HAVCR1: variants seen among roughly 807,000 people sequenced by gnomAD.
HAVCR1 encodes the protein hepatitis A virus cellular receptor 1.
Under a neutral mutation model 32.0 loss-of-function variants are expected in HAVCR1, and 34 were observed. That is an observed-to-expected ratio of 1.06 (90% CI 0.81 to 1.42). The LOEUF (loss-of-function observed/expected upper bound fraction) is 1.42, where lower values mean the gene tolerates loss of function less well. Among genes scored for constraint, HAVCR1 ranks in the 40% most tolerant of loss-of-function variants. HAVCR1 has a pLI of 0.00. For missense variants in HAVCR1, 420 were observed against 442.3 expected, an observed-to-expected ratio of 0.95 and a Z score of 0.45; for synonymous variants, 178 against 170.3, an observed-to-expected ratio of 1.05 and a Z score of -0.35.
intron 7 of HAVCR1, among the ~76,000 whole-genome samples, chr5:157,034,039 T>C (rs766383455): frequency 1.3e-5 from 2 of 152,118 alleles, no homozygotes; most frequent in Non-Finnish European, 2.9e-5. Flanking sequence ...TGGGTATTTC[T>C]CATCAGGTGG....
At chr5:157,063,397 T>C (rs1463720770), upstream of HAVCR1, among the ~76,000 whole-genome samples, 3 of 150,982 alleles carry the variant, frequency 2.0e-5, no homozygotes, top group Admixed American at 6.6e-5. Flanking sequence ...GCGATTCTCC[T>C]ACCTCAGCCT....
At chr5:157,065,319 A>T in the HAVCR1 span, among the ~76,000 whole-genome samples, 3 of 149,310 alleles carry the variant, frequency 2.0e-5, no homozygotes, top group African/African-American at 4.9e-5. Flanking sequence ...AAAAAAAAAA[A>T]TGGTATTTTA....
At chr5:157,039,291 T>G (rs927552645) in intron 6 of HAVCR1, among the ~76,000 whole-genome samples, 1 of 152,228 alleles carries the variant, frequency 6.6e-6, no homozygotes, top group Non-Finnish European at 1.5e-5. Context: ...TAAAAGTAGC[T>G]TCTTTCACTT....
At chr5:157,056,166 G>C (rs570536547) in intron 2 of HAVCR1, among the ~76,000 whole-genome samples, 35 of 151,456 alleles carry the variant, frequency 2.3e-4, no homozygotes, top group Admixed American at 1.2e-3. Context: ...CTGACCTCAA[G>C]TGATCCACCC....
chr5:157,057,853 C>A (rs545225119), intron 2 of HAVCR1, 45 bp downstream of exon 2: 2 of 1,470,694 alleles, frequency 1.4e-6, no homozygotes. Flanking sequence ...GGCTTCTAAC[C>A]CCCCTCTACT....
intron 6 of HAVCR1, among the ~76,000 whole-genome samples, chr5:157,040,772 C>T (rs1160084121): frequency 4.0e-5 from 6 of 151,862 alleles, no homozygotes; most frequent in African/African-American, 1.2e-4. Flanking sequence ...TGGTGGTGGG[C>T]GCCTATAATC....
At chr5:157,050,020 A>T (rs1444986065) in intron 4 of HAVCR1, among the ~76,000 whole-genome samples, 1 of 152,152 alleles carries the variant, frequency 6.6e-6, no homozygotes. Flanking sequence ...CTTCTCTTAG[A>T]GCACCACAGA....
At position 157,029,738 on chromosome 5, in the gene HAVCR1, C is replaced by T. The variant is rs376920430; in HGVS notation, c.1090G>A (p.Asp364Asn). The T allele has an allele frequency of 5.0e-6, 8 of 1,613,002 alleles. No homozygotes were observed. The highest frequency in any genetic ancestry group is 6.8e-6 in the Non-Finnish European group (8 of 1,179,826). The change falls in exon 9 of 9, where the codon GAC (aspartate) becomes AAC (asparagine). Residue 364 changes from aspartate (D) to asparagine (N), a missense_variant. Coordinates refer to ENST00000523175, the MANE Select transcript of HAVCR1 (RefSeq NM_001173393.3). ...IYIENSLYAT[D>N] ...TCAAAGAGCACCACTGGGTCTTAGT[C>T]CGTGGCATAAAGACTATTCTCAATG...
chr5:157,069,177 T>C, the HAVCR1 span, among the ~76,000 whole-genome samples: 4 of 152,236 alleles, frequency 2.6e-5, no homozygotes, highest in Non-Finnish European at 5.9e-5. Flanking sequence ...TGGCAGTCCA[T>C]GATTCCATTG....
rs1276458392 is a variant in HAVCR1, at chr5:157,037,304, C to A, written c.895G>T (p.Gly299Ter). ...TANTTKGIYA[G>*]VCISVLVLLA... ...AGCACCAAGACAGAAATACAGACTC[C>A]AGCATAGATTCCTTTAGTGGTATTG... The change falls in exon 7 of 9, where the codon GGA (glycine) becomes TGA (stop). Residue 299 changes from glycine to a stop codon, truncating the protein, a stop_gained. Coordinates refer to ENST00000523175, the MANE Select transcript of HAVCR1 (RefSeq NM_001173393.3). LOFTEE classifies it high-confidence loss of function. The A allele has an allele frequency of 6.2e-7, 1 of 1,608,028 alleles. No homozygotes were observed. The highest frequency in any genetic ancestry group is 8.5e-7 in the Non-Finnish European group (1 of 1,174,450).
At chr5:157,044,690 A>AGGGAGGGAGGG (rs1340008221) in intron 5 of HAVCR1, among the ~76,000 whole-genome samples, 1 of 139,394 alleles carries the variant, frequency 7.2e-6, no homozygotes, top group South Asian at 2.4e-4. Flanking sequence ...GGGAGGGAGG[A>AGGGAGGGAGGG]AGGAAGGAAG....
the HAVCR1 span, among the ~76,000 whole-genome samples, chr5:157,067,107 C>G: frequency 6.6e-6 from 1 of 152,190 alleles, no homozygotes; most frequent in African/African-American, 2.4e-5. Flanking sequence ...GACAAATGTT[C>G]CACCATCTGG....
chr5:157,057,456 A>AAAGAG (rs1756275120), intron 2 of HAVCR1, among the ~76,000 whole-genome samples: 1 of 133,584 alleles, frequency 7.5e-6, no homozygotes, highest in African/African-American at 2.8e-5. Flanking sequence ...AGAAAGAAAG[A>AAAGAG]AAGAAAGAGA....
chr5:157,045,272 T>G (rs76586008), intron 5 of HAVCR1, among the ~76,000 whole-genome samples: 4,289 of 152,210 alleles, frequency 0.028, 207 homozygotes, highest in African/African-American at 0.091. Flanking sequence ...AAAGCAAAAC[T>G]GCAGATAAGG....
At chr5:157,064,496 G>T in the HAVCR1 span, among the ~76,000 whole-genome samples, 37 of 152,240 alleles carry the variant, frequency 2.4e-4, no homozygotes, top group African/African-American at 8.4e-4. Flanking sequence ...GATATGAGGA[G>T]AAAGGGCCTA....
rs534200156 is a variant in HAVCR1, at chr5:157,054,237, C to T, written c.379+964G>A. Among the ~76,000 whole-genome samples, 25 of 147,254 alleles carry T rather than the reference C, an allele frequency of 1.7e-4. No individual in the cohort carries two copies. The South Asian group carries it at 1.8e-3, about 10-fold the overall frequency. On this transcript the variant is annotated intron_variant, in intron 3 of 8. Coordinates refer to ENST00000523175, the MANE Select transcript of HAVCR1 (RefSeq NM_001173393.3). ...AACAAAGGCCCTGCATGGTGGCTTA[C>T]ACCTGTAATCCCAGCACTTTGGGAG...
intron 6 of HAVCR1, 99 bp downstream of exon 6, chr5:157,042,528 C>A: frequency 3.3e-6 from 2 of 613,510 alleles, no homozygotes; most frequent in Non-Finnish European, 5.6e-6. Flanking sequence ...AAAAAAAATT[C>A]TGTGGGCTAG....
Position 157,058,948 on chromosome 5 carries a change from A to G in HAVCR1, c.-40T>C, listed in dbSNP as rs991769317. 8.5e-5 allele frequency: 13 copies of G among 152,196 alleles called. No homozygotes were observed. Among genetic ancestry groups the G allele is most frequent in the African/African-American group, 3.1e-4 (13 of 41,438 alleles). The allele number at this position is 152,196 out of a possible 1,614,324, so 9.4% of individuals were successfully genotyped here. On this transcript the variant is annotated 5_prime_UTR_variant, in exon 1 of 9. Transcript: ENST00000523175. Reference sequence around the variant, plus strand: ...TCAGATCCAGGCTCTGTCACTCACAATGCTGGGTAACCCTGAGAGTTCCTG... The same window carrying G: ...TCAGATCCAGGCTCTGTCACTCACAGTGCTGGGTAACCCTGAGAGTTCCTG...
At chr5:157,068,698 C>T in the HAVCR1 span, among the ~76,000 whole-genome samples, 80,258 of 150,830 alleles carry the variant, frequency 0.53, 23,421 homozygotes, top group East Asian at 0.81. Flanking sequence ...CTTCATCCTC[C>T]ACCTCCCAGG....
Sources: gnomAD v4.1 joint callset for allele counts (sites outside exome capture counted in the v4.1 genomes callset) on GRCh38, gnomAD v4.1.1 for gene constraint, MANE v1.5 for transcripts, NCBI Gene and HGNC (gene_info 2026-07-23, HGNC 2026-07-21) for gene names.